IGFLR1: variants seen among roughly 807,000 people sequenced by gnomAD.
IGFLR1 encodes the protein IGF like family receptor 1, also known as IGF-like family receptor 1.
In IGFLR1, 17 loss-of-function variants were observed where a neutral mutation model predicts 23.4. That is an observed-to-expected ratio of 0.73 (90% confidence interval 0.50 to 1.09). The LOEUF (loss-of-function observed/expected upper bound fraction) is 1.09, where lower values mean the gene tolerates loss of function less well. IGFLR1 is among the 50% of genes least tolerant of loss of function. The pLI is 0.00. For missense variants in IGFLR1, 556 were observed against 459.2 expected (o/e 1.21, Z -1.93); for synonymous variants, 265 against 210.7 (o/e 1.26, Z -2.23).
intron 2 of IGFLR1, 33 bp downstream of exon 2, chr19:35,740,991 C>G (rs1405222522): frequency 2.5e-6 from 4 of 1,604,672 alleles, no homozygotes; most frequent in Non-Finnish European, 3.4e-6. Flanking sequence ...CCTGCAAGCT[C>G]CGCCCAAGCA....
Position 35,739,809 on chromosome 19 carries a change from T to C in IGFLR1, c.622A>G (p.Asn208Asp), listed in dbSNP as rs766163525. 1.3e-6 allele frequency: 2 copies of C among 1,594,106 alleles called. No individual in the cohort carries two copies. Among genetic ancestry groups the C allele is most frequent in the South Asian group, 2.3e-5 (2 of 88,682 alleles). Residue 208 changes from asparagine (N) to aspartate (D), a missense_variant, in exon 4 of 5, where the codon AAC becomes GAC. Physicochemically the swap from Asn to Asp is conservative, Grantham distance 23. Coordinates refer to ENST00000246532, the MANE Select transcript of IGFLR1 (RefSeq NM_024660.4). ...TGCGAGGAGGAAGGGGTGTGGGTGT[T>C]GGGGACTCCGCAGACCAAGCCAGGA... is the stretch of plus-strand genomic sequence containing the variant. Reference protein sequence around the residue: ...PYPGLVCGVPNTHTPSSSHLS... With the variant: ...PYPGLVCGVPDTHTPSSSHLS...
chr19:35,740,428 G>T lies in IGFLR1; in HGVS notation c.294C>A (p.Thr98=). The T allele has an allele frequency of 6.2e-7, 1 of 1,611,168 alleles. No homozygotes were observed. Among genetic ancestry groups the T allele is most frequent in the Non-Finnish European group, 8.5e-7 (1 of 1,179,018 alleles). ...LCSPCGGGAV[T]PTPAAGGGRT... ...TGCCCCCGCCCGCGGCGGGAGTAGGGGTCACGGCTCCGCCGCCGCAGGGGC... is the reference window on the plus strand; with the variant it reads ...TGCCCCCGCCCGCGGCGGGAGTAGGTGTCACGGCTCCGCCGCCGCAGGGGC... Residue 98 remains threonine (T), a synonymous_variant, in exon 3 of 5, where the codon ACC becomes ACA. Transcript: ENST00000246532.
intron 2 of IGFLR1, 166 bp from the exon 3 acceptor site, chr19:35,740,730 C>G (rs572422479): frequency 2.4e-5 from 17 of 706,642 alleles, no homozygotes; most frequent in East Asian, 1.1e-4. Flanking sequence ...CTTTTCACCC[C>G]CCTCCAGCCT....
chr19:35,739,533 C>T lies in IGFLR1; in HGVS notation c.815G>A (p.Gly272Glu). ...ELIVLLDPEPGPGGGMAHGTT... is the reference protein window; with the variant it reads ...ELIVLLDPEPEPGGGMAHGTT... The stretch of plus-strand genomic sequence containing the variant: ...GCCATGGGCCATACCCCCACCTGGC[C>T]CAGGCTCAGGGTCCAGCAGTACAAT... The change falls in exon 5 of 5, where the codon GGG becomes GAG. Residue 272 changes from glycine (G) to glutamate (E), a missense_variant. By Grantham distance (98) the Gly-to-Glu change is moderately conservative. Coordinates refer to ENST00000246532, the MANE Select transcript of IGFLR1 (RefSeq NM_024660.4). 1.2e-6 allele frequency: 2 copies of T among 1,614,078 alleles called. No homozygotes were observed. The highest frequency in any genetic ancestry group is 1.7e-6 in the Non-Finnish European group (2 of 1,180,024).
At chr19:35,740,717 C>T (rs1389106102) in intron 2 of IGFLR1, 153 bp from the exon 3 acceptor site, 32 of 750,132 alleles carry the variant, frequency 4.3e-5, no homozygotes, top group Admixed American at 3.2e-4. Flanking sequence ...TCTCCGGGCT[C>T]GCCTTTTCAC....
At chr19:35,740,695 T>C (rs1970169817) in intron 2 of IGFLR1, 131 bp from the exon 3 acceptor site, 1 of 869,344 alleles carries the variant, frequency 1.2e-6, no homozygotes, top group African/African-American at 1.7e-5. Flanking sequence ...TGCGCCCCGG[T>C]CTTGTCACTT....
At position 35,740,352 on chromosome 19, in the gene IGFLR1, C is replaced by T. The variant is rs754174589; in HGVS notation, c.342+28G>A. On this transcript the variant is annotated intron_variant, in intron 3 of 4. Transcript: ENST00000246532. The stretch of plus-strand genomic sequence containing the variant: ...CTAGGCCCCCCACCTCCAGCACGCC[C>T]TTGCCCTGCCGGGAGTCCCATCTGC... 8 of 1,544,964 alleles carry T rather than the reference C, an allele frequency of 5.2e-6. No homozygotes were observed. In the South Asian group the frequency reaches 9.7e-5, roughly 19 times the overall value.
intron 2 of IGFLR1, 184 bp downstream of exon 2, chr19:35,740,840 T>C (rs960002421): frequency 4.5e-6 from 3 of 659,608 alleles, no homozygotes; most frequent in Non-Finnish European, 7.6e-6. Context: ...CATTCGCTGT[T>C]GCCCTACGGT....
Position 35,739,901 on chromosome 19 carries a change from G to GCTATCAC in IGFLR1, c.523_529dup (p.Ala177GlyfsTer82). ...CCAGAGCAGAATAAACAGGAGGATC[G>GCTATCAC]CTATCACCGCCAAGGTCAGGAGCAG... On this transcript the variant is annotated frameshift_variant, in exon 4 of 5. Transcript: ENST00000246532. LOFTEE classifies it high-confidence loss of function. 6.2e-7 allele frequency: 1 copy of GCTATCAC among 1,614,134 alleles called. No homozygotes were observed. Among genetic ancestry groups the GCTATCAC allele is most frequent in the Non-Finnish European group, 8.5e-7 (1 of 1,180,012 alleles).
In IGFLR1 at chr19:35,741,191, G is replaced by A. The variant is rs1970211402; in HGVS notation, c.-11C>T. 6.2e-7 allele frequency: 1 copy of A among 1,610,020 alleles called. No homozygotes were observed. Among genetic ancestry groups the A allele is most frequent in the Non-Finnish European group, 8.5e-7 (1 of 1,178,900 alleles). ...TCGTCCAGGCCCCATCTGGGGGGCC[G>A]TGATAGCGGGACTTCCAAACACAGC... is the stretch of plus-strand genomic sequence containing the variant. On this transcript the variant is annotated 5_prime_UTR_variant, in exon 2 of 5. The change creates a new upstream start codon in the 5' untranslated region. Transcript: ENST00000246532.
At chr19:35,740,690 C>T (rs1970169118) in intron 2 of IGFLR1, 126 bp from the exon 3 acceptor site, 5 of 913,070 alleles carry the variant, frequency 5.5e-6, no homozygotes, top group Non-Finnish European at 1.6e-6. Flanking sequence ...TAGCGTGCGC[C>T]CCGGTCTTGT....
chr19:35,739,432 G>A lies in IGFLR1; in HGVS notation c.916C>T (p.Arg306Cys), dbSNP rs764918832. ...TCAATCAGAGCCCGCAGCGGCGAGC[G>A]ACTCGGCCTCAGCGAATAGGCAAAG... is the stretch of plus-strand genomic sequence containing the variant. The part of the protein sequence containing the change: ...STFAYSLRPS[R>C]SPLRALIEMV... Residue 306 changes from arginine (R) to cysteine (C), a missense_variant, in exon 5 of 5, where the codon CGC becomes TGC. Coordinates refer to ENST00000246532, the MANE Select transcript of IGFLR1 (RefSeq NM_024660.4). 44 of 1,613,784 alleles carry A rather than the reference G, an allele frequency of 2.7e-5. No individual in the cohort carries two copies. Among genetic ancestry groups the A allele is most frequent in the African/African-American group, 4.0e-5 (3 of 74,916 alleles).
rs1268258462 is a variant in IGFLR1, at chr19:35,741,138, C to A, written c.43G>T (p.Ala15Ser). 3 of 1,601,948 alleles carry A rather than the reference C, an allele frequency of 1.9e-6. No individual in the cohort carries two copies. Among genetic ancestry groups the A allele is most frequent in the Admixed American group, 1.7e-5 (1 of 58,840 alleles). The change falls in exon 2 of 5, where the codon GCC becomes TCC. Residue 15 changes from alanine to serine, a missense_variant. Ala to Ser is a moderately conservative substitution (Grantham distance 99). Coordinates refer to ENST00000246532, the MANE Select transcript of IGFLR1 (RefSeq NM_024660.4). ...RCLLTALLLL[A>S]LAPPPEASQY... ...GAGGCTTCCGGCGGTGGCGCCAGGG[C>A]CAGAAGCAACAAGGCCGTCAGGAGG...
intron 2 of IGFLR1, 28 bp downstream of exon 2, chr19:35,740,996 C>G: frequency 7.5e-6 from 12 of 1,607,576 alleles, no homozygotes; most frequent in Admixed American, 1.7e-5. Context: ...AAGCTCCGCC[C>G]AAGCAAGGCT....
Position 35,741,099 on chromosome 19 carries a change from G to A in IGFLR1, c.82C>T (p.Arg28Cys). The change falls in exon 2 of 5, where the codon CGC becomes TGC. Residue 28 changes from arginine (R) to cysteine (C), a missense_variant. Transcript: ENST00000246532. ...PPPEASQYCG[R>C]LEYWNPDNKC... is the part of the protein sequence containing the mutation. ...TTGTCTGGGTTCCAGTATTCAAGGC[G>A]GCCGCAGTACTGGGAGGCTTCCGGC... The A allele has an allele frequency of 6.2e-7, 1 of 1,605,240 alleles. No individual in the cohort carries two copies. Among genetic ancestry groups the A allele is most frequent in the Non-Finnish European group, 8.5e-7 (1 of 1,174,496 alleles).
intron 1 of IGFLR1, chr19:35,741,493 G>A: frequency 2.9e-6 from 1 of 349,798 alleles, no homozygotes; most frequent in Non-Finnish European, 5.0e-6. Flanking sequence ...CTGTCTCATA[G>A]GGTTATTGTG....
chr19:35,739,629 G>A lies in IGFLR1; in HGVS notation c.722-3C>T. On this transcript the variant is annotated splice_region_variant and splice_polypyrimidine_tract_variant and intron_variant, in intron 4 of 4. Transcript: ENST00000246532. Reference sequence around the variant, plus strand: ...TTGTGACGCCAGACTGGACAGTTCTGGAAGAAAGGGGAAGGGTAAAGGTGC... The same window carrying A: ...TTGTGACGCCAGACTGGACAGTTCTAGAAGAAAGGGGAAGGGTAAAGGTGC... 2 of 1,605,336 alleles carry A rather than the reference G, an allele frequency of 1.2e-6. No individual in the cohort carries two copies. Among genetic ancestry groups the A allele is most frequent in the Non-Finnish European group, 1.7e-6 (2 of 1,173,550 alleles).
rs1255987643 is a variant in IGFLR1 at position 35,740,079 on chromosome 19, G to A, written c.352C>T (p.Pro118Ser). The A allele has an allele frequency of 2.5e-6, 4 of 1,611,684 alleles. No individual in the cohort carries two copies. Among genetic ancestry groups the A allele is most frequent in the Non-Finnish European group, 3.4e-6 (4 of 1,179,256 alleles). ...TPWRCRERPV[P>S]AKGHCPLTPG... is the part of the protein sequence containing the mutation. ...GTGAGGGGGCAGTGCCCCTTGGCAG[G>A]GACCGGCCTCTGGGGATAAGGGGTT... The change falls in exon 4 of 5, where the codon CCT becomes TCT. Residue 118 changes from proline (P) to serine (S), a missense_variant. Transcript: ENST00000246532.
chr19:35,740,721 T>C, intron 2 of IGFLR1, 157 bp from the exon 3 acceptor site: 1 of 734,282 alleles, frequency 1.4e-6, no homozygotes, highest in Non-Finnish European at 2.2e-6. Flanking sequence ...CGGGCTCGCC[T>C]TTTCACCCCC....
Sources: allele counts gnomAD v4.1 joint callset, GRCh38; gene constraint gnomAD v4.1.1; transcripts MANE v1.5; gene names NCBI Gene and HGNC (gene_info 2026-07-23, HGNC 2026-07-21).